Variants in PTPRC observed in about 807,000 individuals in gnomAD.
The protein encoded by PTPRC is protein tyrosine phosphatase receptor type C, also known as receptor-type tyrosine-protein phosphatase C.
Under a neutral mutation model 155.9 loss-of-function variants are expected in PTPRC, and 44 were observed. The observed-to-expected ratio is 0.28, with a 90% CI of 0.22 to 0.36. PTPRC has a LOEUF of 0.36. Among genes scored for constraint, PTPRC ranks in the 10% least tolerant of loss-of-function variants. The pLI is 1.00. For missense variants in PTPRC, 1,401 were observed against 1,564.6 expected, an observed-to-expected ratio of 0.90 and a Z score of 1.76; for synonymous variants, 525 against 533.1, an observed-to-expected ratio of 0.98 and a Z score of 0.21.
chr1:198,725,400 G>C (rs1211746455), intron 15 of PTPRC, among the ~76,000 whole-genome samples: 2 of 152,056 alleles, frequency 1.3e-5, no homozygotes, highest in Non-Finnish European at 1.5e-5. Flanking sequence ...CTATGATATT[G>C]CTGATTTATT....
intron 17 of PTPRC, among the ~76,000 whole-genome samples, 182 bp downstream of exon 17, chr1:198,729,353 G>C (rs1291984116): frequency 1.3e-5 from 2 of 151,932 alleles, no homozygotes. Context: ...CAATTCTCAT[G>C]TGCCTCAGCT....
intron 2 of PTPRC, among the ~76,000 whole-genome samples, chr1:198,674,158 C>T (rs1476483290): frequency 6.6e-6 from 1 of 152,142 alleles, no homozygotes; most frequent in Non-Finnish European, 1.5e-5. Context: ...ATGACCCAGC[C>T]TCTTTGGCTT....
chr1:198,741,851 A>G lies in PTPRC; in HGVS notation c.2404-18A>G, dbSNP rs768804912. On this transcript the variant is annotated intron_variant, in intron 23 of 32. Coordinates refer to ENST00000442510, the MANE Select transcript of PTPRC (RefSeq NM_002838.5). ...CTTTAAAAAAATCATCTCAAAGAAAATATTATCTCTTGACTAGAAAAAAGA... is the reference window on the plus strand; with the variant it reads ...CTTTAAAAAAATCATCTCAAAGAAAGTATTATCTCTTGACTAGAAAAAAGA... 19 of 1,608,812 alleles carry G rather than the reference A, an allele frequency of 1.2e-5. No homozygotes were observed. Among genetic ancestry groups the G allele is most frequent in the Middle Eastern group, 1.7e-4 (1 of 6,048 alleles).
intron 15 of PTPRC, among the ~76,000 whole-genome samples, chr1:198,723,507 A>G (rs1166026782): frequency 6.6e-6 from 1 of 152,208 alleles, no homozygotes; most frequent in Non-Finnish European, 1.5e-5. Flanking sequence ...TTAAATGTCA[A>G]AAAAGTCCAG....
At chr1:198,748,055 T>A in intron 26 of PTPRC, 54 bp from the exon 27 acceptor site, 3 of 1,548,980 alleles carry the variant, frequency 1.9e-6, no homozygotes, top group Non-Finnish European at 2.6e-6. Flanking sequence ...TATGATGCAA[T>A]AAGCCAATAT....
intron 25 of PTPRC, among the ~76,000 whole-genome samples, chr1:198,743,394 C>G (rs1487510333): frequency 6.6e-6 from 1 of 151,484 alleles, no homozygotes; most frequent in Non-Finnish European, 1.5e-5. Flanking sequence ...AAATTGTTAA[C>G]CAGGTAAAAA....
At chr1:198,664,830 T>G (rs1204277923) in intron 2 of PTPRC, among the ~76,000 whole-genome samples, 1 of 152,188 alleles carries the variant, frequency 6.6e-6, no homozygotes. Context: ...CTCCCTTATG[T>G]CCACATAGGC....
At position 198,756,019 on chromosome 1, in the gene PTPRC, C is replaced by A; in HGVS notation, c.3759C>A (p.Asp1253Glu). The stretch of plus-strand genomic sequence containing the variant: ...AAATTGAATTTGATAATGAAGTGGA[C>A]AAAGTAAAGCAGGATGCTAATTGTG... ...EDKIEFDNEV[D>E]KVKQDANCVN... The change falls in exon 33 of 33, where the codon GAC becomes GAA. Residue 1253 changes from aspartate to glutamate, a missense_variant. This residue lies in a region of PTPRC where 400 missense variants were observed against 389.5 expected (regional missense o/e 1.03). Coordinates refer to ENST00000442510, the MANE Select transcript of PTPRC (RefSeq NM_002838.5). The A allele has an allele frequency of 1.2e-6, 2 of 1,613,328 alleles. No individual in the cohort carries two copies. The highest frequency in any genetic ancestry group is 4.5e-5 in the East Asian group (2 of 44,814).
intron 2 of PTPRC, among the ~76,000 whole-genome samples, chr1:198,654,598 A>G (rs1006278931): frequency 2.0e-5 from 3 of 151,916 alleles, no homozygotes; most frequent in African/African-American, 7.2e-5. Context: ...ATGGTATTTA[A>G]CAACCAAATT....
intron 14 of PTPRC, among the ~76,000 whole-genome samples, chr1:198,720,362 G>T (rs887101169): frequency 2.0e-5 from 3 of 151,910 alleles, no homozygotes; most frequent in Non-Finnish European, 4.4e-5. Flanking sequence ...AAAGAGTCTC[G>T]CTTTGTCACC....
chr1:198,748,124 A>G lies in PTPRC; in HGVS notation c.2863A>G (p.Arg955Gly). ...EAEFQRLPSYRSWRTQHIGNQ... is the reference protein window; with the variant it reads ...EAEFQRLPSYGSWRTQHIGNQ... ...TTTTTTTCAGAGACTTCCTTCATAT[A>G]GGAGCTGGAGGACACAGCACATTGG... is the stretch of plus-strand genomic sequence containing the variant. Residue 955 changes from arginine to glycine, a missense_variant, in exon 27 of 33, where the codon AGG (arginine) becomes GGG (glycine). By Grantham distance (125) the Arg-to-Gly change is moderately radical (BLOSUM62 -2). Around this residue, in one of 3 missense-constraint regions of PTPRC, gnomAD observed 134 missense variants for 204.7 expected, o/e 0.65. Transcript: ENST00000442510. 1.3e-6 allele frequency: 2 copies of G among 1,590,446 alleles called. No homozygotes were observed. The highest frequency in any genetic ancestry group is 1.7e-6 in the Non-Finnish European group (2 of 1,168,714).
chr1:198,716,652 T>A, intron 12 of PTPRC, 30 bp from the exon 13 acceptor site: 1 of 1,602,236 alleles, frequency 6.2e-7, no homozygotes, highest in South Asian at 1.1e-5. Context: ...TTTTAACGAC[T>A]TACTAATTTT....
intron 31 of PTPRC, among the ~76,000 whole-genome samples, chr1:198,753,914 C>T (rs1027200294): frequency 2.6e-5 from 4 of 152,058 alleles, no homozygotes; most frequent in African/African-American, 9.7e-5. Flanking sequence ...TCAGCTTTCT[C>T]TTCTCCAAAT....
chr1:198,745,184 A>AT (rs1407022557), intron 26 of PTPRC, among the ~76,000 whole-genome samples: 1 of 151,766 alleles, frequency 6.6e-6, no homozygotes, highest in African/African-American at 2.4e-5. Flanking sequence ...AAGACAGACA[A>AT]TTTTTTTCAC....
intron 2 of PTPRC, among the ~76,000 whole-genome samples, chr1:198,675,635 T>C (rs1471681359): frequency 6.6e-6 from 1 of 152,152 alleles, no homozygotes; most frequent in Non-Finnish European, 1.5e-5. Context: ...AAGAACTGAA[T>C]TTCATCATAC....
At chr1:198,725,587 T>A (rs970529975) in intron 15 of PTPRC, among the ~76,000 whole-genome samples, 1 of 152,208 alleles carries the variant, frequency 6.6e-6, no homozygotes, top group Non-Finnish European at 1.5e-5. Context: ...TCCTCCTAAT[T>A]TTAGTCCTGT....
Position 198,704,457 on chromosome 1 carries a change from T to C in PTPRC, c.659-15T>C. 1 of 1,613,906 alleles carries C rather than the reference T, an allele frequency of 6.2e-7. No individual in the cohort carries two copies. The highest frequency in any genetic ancestry group is 8.5e-7 in the Non-Finnish European group (1 of 1,179,918). ...GCAAAATTTTAATAATTTACATTTTTTTTCTCCATTACAGCTACTACTCCA... is the reference window on the plus strand; with the variant it reads ...GCAAAATTTTAATAATTTACATTTTCTTTCTCCATTACAGCTACTACTCCA... On this transcript the variant is annotated splice_polypyrimidine_tract_variant and intron_variant, in intron 7 of 32. Coordinates refer to ENST00000442510, the MANE Select transcript of PTPRC (RefSeq NM_002838.5).
intron 11 of PTPRC, among the ~76,000 whole-genome samples, chr1:198,710,764 TTGATCTTGCAGTCTGTCACATTAC>T (rs1653256757): frequency 6.6e-6 from 1 of 152,270 alleles, no homozygotes; most frequent in Non-Finnish European, 1.5e-5. Flanking sequence ...TTTTTCTGTA[TTGATCTTGCAGTCTGTCACATTAC>T]TGAATTTGTT....
At chr1:198,663,538 C>A (rs1157426169) in intron 2 of PTPRC, among the ~76,000 whole-genome samples, 1 of 152,220 alleles carries the variant, frequency 6.6e-6, no homozygotes, top group Admixed American at 6.5e-5. Context: ...GTCAAATGGA[C>A]AAAGCCCTGA....
Sources: gnomAD v4.1 joint callset for allele counts (sites outside exome capture counted in the v4.1 genomes callset) on GRCh38, gnomAD v4.1.1 for gene constraint, gnomAD v4.1.1 regional missense constraint, MANE v1.5 for transcripts, NCBI Gene and HGNC (gene_info 2026-07-23, HGNC 2026-07-21) for gene names.